MBOAT2: variants seen among roughly 807,000 people sequenced by gnomAD.
MBOAT2 encodes membrane bound glycerophospholipid O-acyltransferase 2.
In MBOAT2, 28 loss-of-function variants were observed where a neutral mutation model predicts 63.4. The observed-to-expected ratio is 0.44, with a 90% CI of 0.33 to 0.61. The LOEUF is 0.61. Among genes scored for constraint, MBOAT2 ranks in the 20% least tolerant of loss-of-function variants. The probability of loss-of-function intolerance (pLI) is 0.03; values close to 1 mark genes in which losing one functional copy is unlikely to be tolerated. For missense variants in MBOAT2, 470 were observed against 605.8 expected (o/e 0.78, Z 2.35); for synonymous variants, 211 against 215.6 (o/e 0.98, Z 0.19).
At chr2:8,863,090 C>T (rs889885087) in intron 10 of MBOAT2, among the ~76,000 whole-genome samples, 1 of 152,122 alleles carries the variant, frequency 6.6e-6, no homozygotes, top group Non-Finnish European at 1.5e-5. Context: ...GACCTAATAA[C>T]ACTACTCCTT....
intron 2 of MBOAT2, among the ~76,000 whole-genome samples, chr2:8,958,189 A>C (rs1021685532): frequency 6.6e-6 from 1 of 152,220 alleles, no homozygotes; most frequent in Non-Finnish European, 1.5e-5. Context: ...CTTTTCTGTC[A>C]GTATAAAAGA....
At chr2:8,952,733 A>T (rs1573150941) in intron 2 of MBOAT2, among the ~76,000 whole-genome samples, 1 of 147,410 alleles carries the variant, frequency 6.8e-6, no homozygotes, top group East Asian at 1.9e-4. Context: ...TCATTATGTA[A>T]CGCCCTTTTT....
At chr2:8,957,893 A>G (rs1454761726) in intron 2 of MBOAT2, among the ~76,000 whole-genome samples, 1 of 152,206 alleles carries the variant, frequency 6.6e-6, no homozygotes, top group Non-Finnish European at 1.5e-5. Context: ...AACAAACAGG[A>G]AGTACAGTAT....
At chr2:8,912,335 G>GAAAGAA (rs1558606482) in intron 3 of MBOAT2, among the ~76,000 whole-genome samples, 4 of 104,376 alleles carry the variant, frequency 3.8e-5, no homozygotes, top group African/African-American at 1.6e-4. Context: ...AAGAAAGAAA[G>GAAAGAA]AAAGAAAGAA....
chr2:8,901,604 A>G (rs1051506511), intron 4 of MBOAT2, among the ~76,000 whole-genome samples: 3 of 152,194 alleles, frequency 2.0e-5, no homozygotes, highest in African/African-American at 7.2e-5. Context: ...GTCCTCACTT[A>G]TATGAATAGG....
intron 4 of MBOAT2, among the ~76,000 whole-genome samples, chr2:8,888,311 G>T (rs1288458621): frequency 2.0e-5 from 3 of 152,066 alleles, no homozygotes; most frequent in Non-Finnish European, 4.4e-5. Flanking sequence ...AAAGAAAAAG[G>T]CTCCACCCCT....
At chr2:9,000,378 G>A (rs1672598477) in intron 1 of MBOAT2, among the ~76,000 whole-genome samples, 1 of 152,092 alleles carries the variant, frequency 6.6e-6, no homozygotes, top group South Asian at 2.1e-4. Flanking sequence ...ATGGATAAAT[G>A]ACTTTAGTCA....
At chr2:8,935,017 A>C (rs1667563348) in intron 3 of MBOAT2, among the ~76,000 whole-genome samples, 1 of 152,188 alleles carries the variant, frequency 6.6e-6, no homozygotes, top group Admixed American at 6.5e-5. Context: ...GGACCCCAGG[A>C]CAGTCTGCTC....
chr2:8,910,404 C>T (rs1480407053), intron 3 of MBOAT2, among the ~76,000 whole-genome samples: 3 of 152,240 alleles, frequency 2.0e-5, no homozygotes, highest in African/African-American at 7.2e-5. Flanking sequence ...AGAGATGATG[C>T]TATCCAGTTG....
intron 3 of MBOAT2, among the ~76,000 whole-genome samples, chr2:8,926,293 C>A (rs1473171063): frequency 2.0e-5 from 3 of 152,102 alleles, no homozygotes; most frequent in Non-Finnish European, 4.4e-5. Context: ...CACACACTGA[C>A]CACTTGAAGT....
At chr2:8,880,277 A>T (rs895166393) in intron 6 of MBOAT2, among the ~76,000 whole-genome samples, 1 of 152,056 alleles carries the variant, frequency 6.6e-6, no homozygotes, top group African/African-American at 2.4e-5. Flanking sequence ...CAGATTAGAG[A>T]TTAATTTTAA....
rs1661561311 is a variant in MBOAT2, at chr2:8,862,441, T to C, written c.1185+149A>G. The C allele has an allele frequency of 3.1e-6, 4 of 1,305,878 alleles. No homozygotes were observed. Among genetic ancestry groups the C allele is most frequent in the South Asian group, 2.8e-5 (2 of 71,042 alleles). The allele number at this position is 1,305,878 out of a possible 1,614,324, so 80.9% of individuals were successfully genotyped here. On this transcript the variant is annotated intron_variant, in intron 11 of 12. Coordinates refer to ENST00000305997, the MANE Select transcript of MBOAT2 (RefSeq NM_138799.4). The surrounding 1 kb of genome is among the most constrained non-coding windows in gnomAD (Gnocchi z 4.3). ...GCCCGTGGTGAGCGCTCAGCAAACA[T>C]GCACGCAGTACACACCTCGCTTCTA... is the stretch of plus-strand genomic sequence containing the variant.
In MBOAT2 at chr2:8,882,520, A is replaced by G. The variant is rs1484089150; in HGVS notation, c.497T>C (p.Leu166Ser). The change falls in exon 6 of 13, where the codon TTA becomes TCA. Residue 166 changes from leucine (L) to serine (S), a missense_variant. Around this residue, in one of 3 missense-constraint regions of MBOAT2, gnomAD observed 376 missense variants for 503.8 expected, o/e 0.75. Coordinates refer to ENST00000305997, the MANE Select transcript of MBOAT2 (RefSeq NM_138799.4). ...ATGCAAAGGCACGTACCTTACAGCT[A>G]AATCCCTCTGTGAGGAAGTCAGTTC... ...DEELTSSQRDLAVRRMPSLLE... is the reference protein window; with the variant it reads ...DEELTSSQRDSAVRRMPSLLE... 16 of 1,614,130 alleles carry G rather than the reference A, an allele frequency of 9.9e-6. No individual in the cohort carries two copies. The highest frequency in any genetic ancestry group is 1.4e-5 in the Non-Finnish European group (16 of 1,180,040).
chr2:8,971,968 G>A (rs970193732), intron 1 of MBOAT2, among the ~76,000 whole-genome samples: 98 of 151,240 alleles, frequency 6.5e-4, no homozygotes, highest in East Asian at 2.3e-3. Context: ...ATTCAATGCC[G>A]TCCCCATCAA....
chr2:8,911,798 C>T (rs1328216378), intron 3 of MBOAT2, among the ~76,000 whole-genome samples: 1 of 152,138 alleles, frequency 6.6e-6, no homozygotes, highest in Non-Finnish European at 1.5e-5. Flanking sequence ...CAATGTTGAA[C>T]TTTGTAACCA....
At chr2:8,888,420 T>C (rs1489863552) in intron 4 of MBOAT2, among the ~76,000 whole-genome samples, 1 of 152,180 alleles carries the variant, frequency 6.6e-6, no homozygotes, top group East Asian at 1.9e-4. Flanking sequence ...GCATGAGATG[T>C]GGCCCCAGTC....
intron 4 of MBOAT2, among the ~76,000 whole-genome samples, chr2:8,898,085 T>A (rs568542285): frequency 6.6e-6 from 1 of 152,250 alleles, no homozygotes; most frequent in African/African-American, 2.4e-5. Flanking sequence ...TACTTTGGTA[T>A]GCCACTGTTT....
At chr2:8,924,706 C>CTT (rs752934933) in intron 3 of MBOAT2, among the ~76,000 whole-genome samples, 2 of 139,420 alleles carry the variant, frequency 1.4e-5, no homozygotes, top group Admixed American at 7.2e-5. Context: ...GGTTCAGCTG[C>CTT]TTTTTTTTTT....
chr2:8,986,420 G>T (rs575761055), intron 1 of MBOAT2, among the ~76,000 whole-genome samples: 2 of 151,806 alleles, frequency 1.3e-5, no homozygotes, highest in African/African-American at 4.8e-5. Context: ...AAAATTAGCC[G>T]TGCCTGGTGG....
Sources: gnomAD v4.1 joint callset for allele counts (sites outside exome capture counted in the v4.1 genomes callset) on GRCh38, gnomAD v4.1.1 for gene constraint, gnomAD v4.1.1 regional missense constraint, Gnocchi (gnomAD v3.1) non-coding constraint, MANE v1.5 for transcripts, NCBI Gene and HGNC (gene_info 2026-07-23, HGNC 2026-07-21) for gene names.